SERINC4: variants seen among roughly 807,000 people sequenced by gnomAD.
SERINC4 encodes the protein serine incorporator 4.
A neutral mutation model predicts 52.0 loss-of-function variants in SERINC4; 52 were observed. The ratio of observed to expected loss-of-function variants is 1.00; its 90% CI spans 0.80 to 1.26. The LOEUF (loss-of-function observed/expected upper bound fraction) is 1.26, where lower values mean the gene tolerates loss of function less well. SERINC4 is among the 50% of genes most tolerant of loss of function. The pLI, the probability that SERINC4 is intolerant of heterozygous loss-of-function variation, is 0.00. For missense variants in SERINC4, 723 were observed against 632.8 expected, an observed-to-expected ratio of 1.14 and a Z score of -1.53; for synonymous variants, 264 against 247.7, an observed-to-expected ratio of 1.07 and a Z score of -0.62.
chr15:43,799,656 C>A, intron 1 of SERINC4, 170 bp from the exon 2 acceptor site: 1 of 915,138 alleles, frequency 1.1e-6, no homozygotes. Context: ...TTGGGATTGC[C>A]GCCCACTGAC....
At chr15:43,798,858 T>G (rs934253382) in intron 3 of SERINC4, 101 bp downstream of exon 3, 1 of 1,214,586 alleles carries the variant, frequency 8.2e-7, no homozygotes, top group Non-Finnish European at 1.2e-6. Context: ...CTGTTTTCTG[T>G]CTTTTTACAG....
At chr15:43,795,609 C>G in intron 10 of SERINC4, 68 bp from the exon 11 acceptor site, 1 of 1,611,722 alleles carries the variant, frequency 6.2e-7, no homozygotes. Flanking sequence ...CCCCAACTAC[C>G]TTTGTTAAGG....
intron 4 of SERINC4, 157 bp downstream of exon 4, chr15:43,798,268 C>G (rs1393186337): frequency 2.9e-6 from 2 of 681,756 alleles, no homozygotes; most frequent in Non-Finnish European, 5.3e-6. Context: ...CCAGGATTGT[C>G]TTGATCTCTT....
Position 43,798,836 on chromosome 15 carries a change from A to T in SERINC4, c.458+123T>A, listed in dbSNP as rs769363781. ...GTTACACAGCAAGTACACGAGAAGC[A>T]GGGACTTAAACCTGTTTTCTGTCTT... On this transcript the variant is annotated intron_variant, in intron 3 of 11. Transcript: ENST00000319327. The T allele has an allele frequency of 1.0e-5, 10 of 970,548 alleles. 1 individual carries two copies. The highest frequency in any genetic ancestry group is 2.1e-4 in the Middle Eastern group (1 of 4,676). The allele number at this position is 970,548 out of a possible 1,614,324, so 60.1% of individuals were successfully genotyped here.
At chr15:43,796,981 A>C (rs1415180068) in intron 6 of SERINC4, 41 bp from the exon 7 acceptor site, 1 of 1,546,270 alleles carries the variant, frequency 6.5e-7, no homozygotes, top group South Asian at 1.1e-5. Flanking sequence ...CAGGCTGGTA[A>C]TTTCCTCCAT....
At chr15:43,797,747 G>A in intron 5 of SERINC4, 173 bp downstream of exon 5, 1 of 595,464 alleles carries the variant, frequency 1.7e-6, no homozygotes, top group African/African-American at 1.9e-5. Context: ...GAAGACTGGT[G>A]TGACTAGCCA....
chr15:43,796,584 T>G (rs1334586931), intron 8 of SERINC4, 32 bp downstream of exon 8: 3 of 1,612,634 alleles, frequency 1.9e-6, no homozygotes, highest in Non-Finnish European at 2.5e-6. Context: ...GCACCCTCCT[T>G]TCATACCTCC....
intron 10 of SERINC4, 52 bp downstream of exon 10, chr15:43,795,636 T>A: frequency 6.2e-7 from 1 of 1,610,972 alleles, no homozygotes; most frequent in South Asian, 1.1e-5. Context: ...AGGGTTCTTA[T>A]GGCACTCCAC....
rs776299722 is a variant in SERINC4, at chr15:43,796,844, C to T, written c.940+1G>A. ...TGGAGAATCCAGGTCCTGTCCCTTA[C>T]CTCTCTCTGGAGGACGGCTGGACAG... On this transcript the variant is annotated splice_donor_variant, in intron 7 of 11. Coordinates refer to ENST00000319327, the MANE Select transcript of SERINC4 (RefSeq NM_001258031.2). LOFTEE classifies it high-confidence loss of function. The T allele has an allele frequency of 6.2e-6, 10 of 1,613,650 alleles. No individual in the cohort carries two copies. Among genetic ancestry groups the T allele is most frequent in the Admixed American group, 3.3e-5 (2 of 59,998 alleles).
chr15:43,799,439 C>A lies in SERINC4; in HGVS notation c.150G>T (p.Arg50Ser). The change falls in exon 2 of 12, where the codon AGG becomes AGT. Residue 50 changes from arginine (R) to serine (S), a missense_variant. Transcript: ENST00000319327. The stretch of plus-strand genomic sequence containing the variant: ...AAGTGGATGCGGTGAGAGAGGGCCA[C>A]CTAGAGTGGCAGCAGCTGGCACAAG... The part of the protein sequence containing the change: ...PAPCASCCHS[R>S]WPSLTASTCS... 6.4e-7 allele frequency: 1 copy of A among 1,550,748 alleles called. No individual in the cohort carries two copies. Among genetic ancestry groups the A allele is most frequent in the East Asian group, 2.4e-5 (1 of 40,924 alleles).
In SERINC4 at chr15:43,797,364, T is replaced by C. The variant is rs1596047503; in HGVS notation, c.633-8A>G. The C allele has an allele frequency of 1.9e-6, 3 of 1,542,876 alleles. No individual in the cohort carries two copies. The highest frequency in any genetic ancestry group is 2.6e-6 in the Non-Finnish European group (3 of 1,144,858). On this transcript the variant is annotated splice_region_variant and splice_polypyrimidine_tract_variant and intron_variant, in intron 5 of 11. Coordinates refer to ENST00000319327, the MANE Select transcript of SERINC4 (RefSeq NM_001258031.2). The stretch of plus-strand genomic sequence containing the variant: ...TGAGCTGCACCTGTCTGCCTAAGGG[T>C]GGAAAGTGGGCAATGGCTTGGAGCT...
chr15:43,798,055 T>G, intron 4 of SERINC4, 42 bp from the exon 5 acceptor site: 3 of 1,037,800 alleles, frequency 2.9e-6, no homozygotes, highest in Non-Finnish European at 4.0e-6. Flanking sequence ...AATTGTTACT[T>G]TTTTTTTTTT....
Position 43,794,663 on chromosome 15 carries a change from C to T in SERINC4, c.*337G>A, listed in dbSNP as rs1021549555. On this transcript the variant is annotated 3_prime_UTR_variant, in exon 12 of 12. Coordinates refer to ENST00000319327, the MANE Select transcript of SERINC4 (RefSeq NM_001258031.2). ...CAAGGGCAGAGCCGAGTCTTCAGTC[C>T]CTGTTGGTCTTTCCCCACCCCCACT... is the stretch of plus-strand genomic sequence containing the variant. 4.8e-5 allele frequency: 12 copies of T among 250,974 alleles called. No individual in the cohort carries two copies. The highest frequency in any genetic ancestry group is 2.4e-4 in the African/African-American group (11 of 45,522). 15.5% of individuals were successfully genotyped at this position (250,974 alleles called of 1,614,324 possible). A position where few individuals can be genotyped will look rare whatever the true frequency, so the allele number is the denominator to read the frequency against.
rs1368240595 is a variant in SERINC4, at chr15:43,794,736, A to G, written c.*264T>C. The stretch of plus-strand genomic sequence containing the variant: ...GGCTGGTGCCACACTGTCTGCTGGG[A>G]TCAGCGGTGGTTCTTTGAGCTGCTG... On this transcript the variant is annotated 3_prime_UTR_variant, in exon 12 of 12. Transcript: ENST00000319327. The G allele has an allele frequency of 4.7e-6, 2 of 423,598 alleles. No homozygotes were observed. The highest frequency in any genetic ancestry group is 4.3e-6 in the Non-Finnish European group (1 of 233,280). 26.2% of individuals were successfully genotyped at this position (423,598 alleles called of 1,614,324 possible). A position where few individuals can be genotyped will look rare whatever the true frequency, so the allele number is the denominator to read the frequency against.
At chr15:43,799,201 C>A in intron 2 of SERINC4, 64 bp from the exon 3 acceptor site, 1 of 1,511,406 alleles carries the variant, frequency 6.6e-7, no homozygotes, top group South Asian at 1.2e-5. Context: ...ACCTACTTGT[C>A]ACGGGTATGA....
chr15:43,797,851 C>T, intron 5 of SERINC4, 69 bp downstream of exon 5: 1 of 1,155,072 alleles, frequency 8.7e-7, no homozygotes, highest in South Asian at 1.3e-5. Flanking sequence ...TGCCTTTTGC[C>T]CAGCCCTTTC....
chr15:43,795,041 G>A lies in SERINC4; in HGVS notation c.1516C>T (p.His506Tyr), dbSNP rs192035160. Residue 506 changes from histidine (H) to tyrosine (Y), a missense_variant, in exon 12 of 12, where the codon CAC becomes TAC. His to Tyr is a moderately conservative substitution (Grantham distance 83). Coordinates refer to ENST00000319327, the MANE Select transcript of SERINC4 (RefSeq NM_001258031.2). ...PQPLILRRRR[H>Y]RIISPDNKYP... The stretch of plus-strand genomic sequence containing the variant: ...TTGTTATCTGGGGATATGATGCGGT[G>A]GCGGCGGCGCCTCAAGATAAGGGGC... 2 of 1,612,578 alleles carry A rather than the reference G, an allele frequency of 1.2e-6. No homozygotes were observed. Among genetic ancestry groups the A allele is most frequent in the East Asian group, 4.5e-5 (2 of 44,878 alleles).
Position 43,796,686 on chromosome 15 carries a change from G to T in SERINC4, c.997C>A (p.Pro333Thr), listed in dbSNP as rs935769383. 2 of 1,614,142 alleles carry T rather than the reference G, an allele frequency of 1.2e-6. No individual in the cohort carries two copies. Among genetic ancestry groups the T allele is most frequent in the Non-Finnish European group, 8.5e-7 (1 of 1,179,996 alleles). ...LCLPGLSKME[P>T]QTPDISLAML... ...GCTAGAGAGATATCTGGTGTTTGGG[G>T]TTCCATTTTACTCAGGCCAGGCAGG... is the stretch of plus-strand genomic sequence containing the variant. Residue 333 changes from proline (P) to threonine (T), a missense_variant, in exon 8 of 12, where the codon CCC becomes ACC. Pro to Thr is a conservative substitution (Grantham distance 38). Coordinates refer to ENST00000319327, the MANE Select transcript of SERINC4 (RefSeq NM_001258031.2).
rs2087288097 is a variant in SERINC4, at chr15:43,799,977, C to T, written c.10G>A (p.Ala4Thr). ...GTGCCGGGGCTGGGGCCGGCCTTGG[C>T]ACCCACCATCCTTGTCCCAGGGATT... MVGAKAGPSPGTSL... is the reference protein window; with the variant it reads MVGTKAGPSPGTSL... The change falls in exon 1 of 12, where the codon GCC (alanine) becomes ACC (threonine). Residue 4 changes from alanine (A) to threonine (T), a missense_variant. Coordinates refer to ENST00000319327, the MANE Select transcript of SERINC4 (RefSeq NM_001258031.2). The T allele has an allele frequency of 6.5e-7, 1 of 1,539,316 alleles. No homozygotes were observed. Among genetic ancestry groups the T allele is most frequent in the Non-Finnish European group, 8.7e-7 (1 of 1,142,898 alleles).
Sources: allele counts gnomAD v4.1 joint callset, GRCh38; gene constraint gnomAD v4.1.1; transcripts MANE v1.5; gene names NCBI Gene and HGNC (gene_info 2026-07-23, HGNC 2026-07-21).